PRIM2: variants seen among roughly 807,000 people sequenced by gnomAD.
PRIM2 encodes DNA primase subunit 2.
PRIM2 carries 39 observed loss-of-function variants against 67.3 expected under a neutral mutation model. That is an observed-to-expected ratio of 0.58 (90% confidence interval 0.45 to 0.76). The LOEUF (loss-of-function observed/expected upper bound fraction) is 0.76. PRIM2 is among the 30% of genes least tolerant of loss of function. The pLI is 0.00. For synonymous variants in PRIM2, 143 were observed against 198.7 expected (o/e 0.72, Z 2.36); for missense variants, 398 against 598.7 (o/e 0.66, Z 3.50).
In PRIM2 at chr6:57,440,744, T is replaced by G. The variant is rs367691915; in HGVS notation, c.693+58576T>G. On this transcript the variant is annotated intron_variant, in intron 7 of 13. Transcript: ENST00000615550. ...TCCATCAGCTAACAAGGTTTTACAGTAACTGTCTGTTGACCAAATTAAATT... is the reference window on the plus strand; with the variant it reads ...TCCATCAGCTAACAAGGTTTTACAGGAACTGTCTGTTGACCAAATTAAATT... Among the ~76,000 whole-genome samples, 1,286 of 152,342 alleles carry G rather than the reference T, an allele frequency of 8.4e-3. 8 individuals carry two copies. Among genetic ancestry groups the G allele is most frequent in the Non-Finnish European group, 0.012 (849 of 68,026 alleles).
intron 5 of PRIM2, among the ~76,000 whole-genome samples, chr6:57,330,050 T>C (rs1420900024): frequency 6.6e-6 from 1 of 152,206 alleles, no homozygotes; most frequent in African/African-American, 2.4e-5. Context: ...AGAAGCTAGC[T>C]AGGATTTACA....
intron 10 of PRIM2, among the ~76,000 whole-genome samples, chr6:57,565,728 G>A (rs1158118645): frequency 6.6e-6 from 1 of 152,124 alleles, no homozygotes; most frequent in Non-Finnish European, 1.5e-5. Context: ...ATCTGGGCAC[G>A]CTGTGATTTA....
the PRIM2 span, among the ~76,000 whole-genome samples, chr6:57,270,034 C>G: frequency 2.6e-5 from 4 of 152,000 alleles, no homozygotes; most frequent in Non-Finnish European, 5.9e-5. Flanking sequence ...GTTACTGTAG[C>G]CTTGTAGTAT....
the PRIM2 span, among the ~76,000 whole-genome samples, chr6:57,285,337 C>G: frequency 2.0e-5 from 3 of 152,120 alleles, no homozygotes; most frequent in African/African-American, 7.2e-5. Flanking sequence ...AATTTCAGGC[C>G]AGTATTCCAG....
chr6:57,279,012 G>A, the PRIM2 span, among the ~76,000 whole-genome samples: 3 of 152,194 alleles, frequency 2.0e-5, no homozygotes, highest in African/African-American at 7.2e-5. Context: ...CACTGTGATA[G>A]ATACTAGGAG....
the PRIM2 span, among the ~76,000 whole-genome samples, chr6:57,239,777 A>G: frequency 1.3e-5 from 2 of 152,062 alleles, no homozygotes; most frequent in African/African-American, 4.8e-5. Flanking sequence ...CACCATCCAC[A>G]AGGAGCCCTC....
chr6:57,528,814 T>C (rs1214833380), intron 8 of PRIM2, among the ~76,000 whole-genome samples: 1 of 152,230 alleles, frequency 6.6e-6, no homozygotes, highest in African/African-American at 2.4e-5. Context: ...TCTGTACTTA[T>C]TGGTCAAGAC....
chr6:57,259,181 A>T, the PRIM2 span, among the ~76,000 whole-genome samples: 1 of 152,150 alleles, frequency 6.6e-6, no homozygotes. Context: ...AACAGATCTG[A>T]CTCTTGAGTC....
intron 7 of PRIM2, among the ~76,000 whole-genome samples, chr6:57,475,119 C>T (rs1478341384): frequency 1.3e-5 from 2 of 152,306 alleles, no homozygotes; most frequent in African/African-American, 2.4e-5. Context: ...AATATGTTTC[C>T]TCTCACAGAT....
At chr6:57,483,182 A>G (rs1489118680) in intron 7 of PRIM2, among the ~76,000 whole-genome samples, 4 of 152,194 alleles carry the variant, frequency 2.6e-5, no homozygotes, top group East Asian at 1.9e-4. Flanking sequence ...TGCTGGGATT[A>G]CAGGCATGAG....
At chr6:57,611,481 C>G (rs1335344029) in intron 12 of PRIM2, among the ~76,000 whole-genome samples, 6 of 152,132 alleles carry the variant, frequency 3.9e-5, no homozygotes, top group South Asian at 4.2e-4. Context: ...ATATGGGCAA[C>G]GGATTTTTAA....
chr6:57,418,437 G>GT (rs2127369808), intron 7 of PRIM2, among the ~76,000 whole-genome samples: 1 of 101,526 alleles, frequency 9.8e-6, no homozygotes, highest in African/African-American at 3.6e-5. Flanking sequence ...TCACTCTGTT[G>GT]CCAGGCTGGA....
rs535009313 is a variant in PRIM2, at chr6:57,415,614, T to C, written c.693+33446T>C. On this transcript the variant is annotated intron_variant, in intron 7 of 13. Transcript: ENST00000615550. ...GAAGGTTGGAGTGTCTGTGGCAATA[T>C]CTTAAAATAAGACAACCATTCAGTG... 5.9e-5 allele frequency among the ~76,000 whole-genome samples: 9 copies of C among 152,286 alleles called. No homozygotes were observed. In the East Asian group the frequency reaches 1.7e-3, roughly 29 times the overall value.
At chr6:57,325,305 C>CTTT (rs11398927) in intron 4 of PRIM2, among the ~76,000 whole-genome samples, 4 of 141,950 alleles carry the variant, frequency 2.8e-5, no homozygotes, top group South Asian at 2.2e-4. Context: ...CTCTCTCTCT[C>CTTT]TTTTTTTTTT....
intron 10 of PRIM2, among the ~76,000 whole-genome samples, chr6:57,576,858 T>G (rs2127483415): frequency 6.6e-6 from 1 of 151,348 alleles, no homozygotes; most frequent in African/African-American, 2.4e-5. Context: ...ATCTTTGAAC[T>G]ATATAATAAA....
chr6:57,568,736 G>A (rs1326340149), intron 10 of PRIM2, among the ~76,000 whole-genome samples: 2 of 152,190 alleles, frequency 1.3e-5, no homozygotes, highest in Non-Finnish European at 2.9e-5. Flanking sequence ...AGCTATCTAA[G>A]ACTTAAAGGG....
At chr6:57,362,520 G>T (rs1769235857) in intron 5 of PRIM2, among the ~76,000 whole-genome samples, 1 of 151,960 alleles carries the variant, frequency 6.6e-6, no homozygotes, top group Admixed American at 6.6e-5. Context: ...GAAGACTTCG[G>T]TTATCATTAT....
At chr6:57,395,163 G>A (rs62415554) in intron 7 of PRIM2, among the ~76,000 whole-genome samples, 3 of 152,084 alleles carry the variant, frequency 2.0e-5, no homozygotes, top group African/African-American at 4.8e-5. Context: ...GTATTAGGGC[G>A]ATGCTGGTTT....
intron 5 of PRIM2, among the ~76,000 whole-genome samples, chr6:57,374,453 C>G (rs1024279194): frequency 2.0e-5 from 3 of 150,424 alleles, no homozygotes; most frequent in African/African-American, 7.4e-5. Flanking sequence ...GCCACCATGC[C>G]CGGCTAATTT....
Sources: allele counts gnomAD v4.1 joint callset (sites outside exome capture counted in the v4.1 genomes callset), GRCh38; gene constraint gnomAD v4.1.1; transcripts MANE v1.5; gene names NCBI Gene and HGNC (gene_info 2026-07-23, HGNC 2026-07-21).